GLI2: variants seen among roughly 807,000 people sequenced by gnomAD.
GLI2 encodes the protein GLI family zinc finger 2.
A neutral mutation model predicts 78.9 loss-of-function variants in GLI2; 22 were observed. That is an observed-to-expected ratio of 0.28 (90% CI 0.20 to 0.40). The LOEUF is 0.40. Ranked by LOEUF, GLI2 falls within the 10% of genes least tolerant of loss-of-function variation. GLI2 has a pLI of 1.00. For synonymous variants in GLI2, 974 were observed against 963.7 expected (o/e 1.01, Z -0.20); for missense variants, 2,097 against 2,213.2 (o/e 0.95, Z 1.05).
At chr2:120,797,169 A>G (rs936932496) in intron 1 of GLI2, 122 bp from the exon 2 acceptor site, 3 of 758,200 alleles carry the variant, frequency 4.0e-6, no homozygotes, top group South Asian at 1.5e-5. Context: ...CTCCTTCCCA[A>G]TTATAAGAGA....
intron 10 of GLI2, among the ~76,000 whole-genome samples, chr2:120,979,761 A>T (rs1682625724): frequency 6.6e-6 from 1 of 151,804 alleles, no homozygotes; most frequent in African/African-American, 2.4e-5. Context: ...TGTCCTTCCC[A>T]CAGCCCCTCC....
intron 2 of GLI2, among the ~76,000 whole-genome samples, chr2:120,831,067 GTCTCTCTCTCTGTTTCTGTCAT>G (rs987959126): frequency 4.7e-5 from 7 of 149,332 alleles, no homozygotes; most frequent in Non-Finnish European, 8.9e-5. Flanking sequence ...AGCTCTGCCT[GTCTCTCTCTCTGTTTCTGTCAT>G]TCTCTCTCTC....
intron 1 of GLI2, among the ~76,000 whole-genome samples, chr2:120,791,977 C>T (rs1224344015): frequency 1.3e-5 from 2 of 152,020 alleles, no homozygotes; most frequent in African/African-American, 2.4e-5. Flanking sequence ...GTCCTGGGCA[C>T]GCATGCCGCA....
chr2:120,876,156 G>T (rs1039577920), intron 2 of GLI2, among the ~76,000 whole-genome samples: 6 of 152,048 alleles, frequency 3.9e-5, no homozygotes, highest in Admixed American at 2.6e-4. Flanking sequence ...CCTGGCTAAC[G>T]CGGTGAAACC....
chr2:120,984,848 G>T, intron 12 of GLI2, 105 bp downstream of exon 12: 5 of 1,177,098 alleles, frequency 4.2e-6, no homozygotes, highest in Non-Finnish European at 3.7e-6. Context: ...CCCCTCTAGG[G>T]GCACAGCGAT....
At chr2:120,829,581 G>T (rs958367893) in intron 2 of GLI2, among the ~76,000 whole-genome samples, 3 of 152,214 alleles carry the variant, frequency 2.0e-5, no homozygotes, top group African/African-American at 7.2e-5. Flanking sequence ...CCAAGGCTGG[G>T]CCTAACAGCT....
chr2:120,855,528 C>T (rs878978544), intron 2 of GLI2, among the ~76,000 whole-genome samples: 6 of 152,198 alleles, frequency 3.9e-5, no homozygotes, highest in Admixed American at 3.3e-4. Context: ...CACCCTCTTC[C>T]CATCACTAAG....
At chr2:120,741,871 G>A (rs142867749) in intron 1 of GLI2, among the ~76,000 whole-genome samples, 8,136 of 152,248 alleles carry the variant, frequency 0.053, 360 homozygotes, top group Admixed American at 0.11. Context: ...CGGGAGGCCG[G>A]ACTCTGCTCG....
At chr2:120,852,143 G>T (rs1006694469) in intron 2 of GLI2, among the ~76,000 whole-genome samples, 1 of 152,318 alleles carries the variant, frequency 6.6e-6, no homozygotes, top group East Asian at 1.9e-4. Context: ...GGAGTTGTAG[G>T]ATTAGAACCC....
chr2:120,933,038 G>A (rs554925956), intron 3 of GLI2, among the ~76,000 whole-genome samples: 3 of 152,262 alleles, frequency 2.0e-5, no homozygotes, highest in Admixed American at 2.0e-4. Context: ...GAGTAGACAG[G>A]AGAAGGGCGG....
At chr2:120,742,499 G>T (rs1013589326) in intron 1 of GLI2, among the ~76,000 whole-genome samples, 2 of 152,104 alleles carry the variant, frequency 1.3e-5, no homozygotes, top group Non-Finnish European at 2.9e-5. Context: ...GCGATGAATG[G>T]TAATGATTTT....
At chr2:120,759,329 A>G (rs1341131956) in intron 1 of GLI2, among the ~76,000 whole-genome samples, 1 of 152,124 alleles carries the variant, frequency 6.6e-6, no homozygotes, top group Admixed American at 6.5e-5. Context: ...CAGTCCCACA[A>G]GACCGCCCCA....
chr2:120,826,310 C>T (rs1057226422), intron 2 of GLI2, among the ~76,000 whole-genome samples: 10 of 152,188 alleles, frequency 6.6e-5, no homozygotes, highest in African/African-American at 1.9e-4. Context: ...GAGGGTCTGC[C>T]GTCCTGTTTA....
intron 2 of GLI2, among the ~76,000 whole-genome samples, chr2:120,903,953 C>T (rs1011462404): frequency 6.6e-6 from 1 of 152,006 alleles, no homozygotes; most frequent in Non-Finnish European, 1.5e-5. Context: ...GGTGGGCTTT[C>T]AGGAAGGGGA....
At chr2:120,922,395 T>C (rs999738818) in intron 2 of GLI2, among the ~76,000 whole-genome samples, 1 of 152,092 alleles carries the variant, frequency 6.6e-6, no homozygotes, top group African/African-American at 2.4e-5. Context: ...TGCTACTGTA[T>C]TGGGATAGCA....
At chr2:120,901,046 G>A (rs1461674342) in intron 2 of GLI2, among the ~76,000 whole-genome samples, 3 of 152,070 alleles carry the variant, frequency 2.0e-5, no homozygotes, top group South Asian at 2.1e-4. Context: ...ACTTACCCTC[G>A]CCCCCACTTG....
intron 1 of GLI2, among the ~76,000 whole-genome samples, chr2:120,741,761 C>T (rs1026278220): frequency 3.3e-5 from 5 of 152,180 alleles, no homozygotes; most frequent in Admixed American, 2.0e-4. Flanking sequence ...CGCCCCGGGC[C>T]CGCGGCTGCG....
chr2:120,934,616 G>A (rs554771117), intron 3 of GLI2, among the ~76,000 whole-genome samples: 2 of 152,324 alleles, frequency 1.3e-5, no homozygotes, highest in African/African-American at 2.4e-5. Flanking sequence ...TAGAGTGAAC[G>A]CCAGCTGGTG....
intron 4 of GLI2, among the ~76,000 whole-genome samples, chr2:120,954,706 G>A (rs561841075): frequency 7.2e-5 from 11 of 152,248 alleles, no homozygotes; most frequent in African/African-American, 2.6e-4. Flanking sequence ...ACCTGGGCAG[G>A]GCTGACCTCA....
Sources: allele counts gnomAD v4.1 joint callset (sites outside exome capture counted in the v4.1 genomes callset), GRCh38; gene constraint gnomAD v4.1.1; transcripts MANE v1.5; gene names NCBI Gene and HGNC (gene_info 2026-07-23, HGNC 2026-07-21).